NHLRC2: variants seen among roughly 807,000 people sequenced by gnomAD.
The protein encoded by NHLRC2 is NHL repeat-containing protein 2.
A neutral mutation model predicts 68.1 loss-of-function variants in NHLRC2; 33 were observed. The observed-to-expected ratio is 0.48, with a 90% CI of 0.37 to 0.65. The LOEUF (loss-of-function observed/expected upper bound fraction) is 0.65, where lower values mean the gene tolerates loss of function less well. NHLRC2 is among the 30% of genes least tolerant of loss of function. The pLI, the probability that NHLRC2 is intolerant of heterozygous loss-of-function variation, is 0.00. For missense variants in NHLRC2, 761 were observed against 853.8 expected, an observed-to-expected ratio of 0.89 and a Z score of 1.35; for synonymous variants, 311 against 309.6, an observed-to-expected ratio of 1.00 and a Z score of -0.05.
intron 10 of NHLRC2, 21 bp downstream of exon 10, chr10:113,905,057 ATAC>A (rs779061123): frequency 1.7e-6 from 2 of 1,146,156 alleles, no homozygotes; most frequent in East Asian, 4.9e-5. Context: ...AAGCTTGCAA[ATAC>A]TAATACATCA....
chr10:113,865,341 A>G (rs1035403852), intron 2 of NHLRC2, among the ~76,000 whole-genome samples: 1 of 133,766 alleles, frequency 7.5e-6, no homozygotes, highest in Non-Finnish European at 1.6e-5. Flanking sequence ...ATTACTGGGT[A>G]TGATTTGCTG....
At chr10:113,903,196 T>C (rs1358173593) in intron 8 of NHLRC2, among the ~76,000 whole-genome samples, 1 of 152,166 alleles carries the variant, frequency 6.6e-6, no homozygotes, top group Non-Finnish European at 1.5e-5. Context: ...AGTTCAGTTG[T>C]GAAAGTGTGT....
At chr10:113,893,396 T>C (rs1846149985) in intron 5 of NHLRC2, among the ~76,000 whole-genome samples, 1 of 152,180 alleles carries the variant, frequency 6.6e-6, no homozygotes, top group South Asian at 2.1e-4. Context: ...TGGGTGAATT[T>C]CAGCAAATTA....
intron 2 of NHLRC2, among the ~76,000 whole-genome samples, chr10:113,874,702 G>C (rs1334128787): frequency 6.6e-6 from 1 of 151,314 alleles, no homozygotes; most frequent in Non-Finnish European, 1.5e-5. Flanking sequence ...TAGATATTTT[G>C]AAACTGTTCC....
intron 2 of NHLRC2, among the ~76,000 whole-genome samples, chr10:113,871,774 C>A (rs1450601774): frequency 6.6e-6 from 1 of 152,114 alleles, no homozygotes; most frequent in Non-Finnish European, 1.5e-5. Context: ...ACTGTCCCTC[C>A]CCTCTGTTCC....
chr10:113,863,008 TATA>T (rs1177817645), intron 2 of NHLRC2, among the ~76,000 whole-genome samples: 1 of 152,184 alleles, frequency 6.6e-6, no homozygotes, highest in Non-Finnish European at 1.5e-5. Flanking sequence ...ATGATATGAT[TATA>T]ATGATAAAAT....
chr10:113,878,913 C>T (rs1846010691), intron 3 of NHLRC2, among the ~76,000 whole-genome samples: 1 of 152,100 alleles, frequency 6.6e-6, no homozygotes, highest in African/African-American at 2.4e-5. Flanking sequence ...GTTTGAACTG[C>T]TGATTTAGAG....
chr10:113,884,419 T>C, intron 5 of NHLRC2, 39 bp downstream of exon 5: 1 of 1,549,564 alleles, frequency 6.5e-7, no homozygotes, highest in Non-Finnish European at 8.9e-7. Context: ...AGGTAAATTT[T>C]ACTTCATGTA....
intron 6 of NHLRC2, among the ~76,000 whole-genome samples, chr10:113,899,351 G>A (rs1165930706): frequency 1.3e-5 from 2 of 152,144 alleles, no homozygotes; most frequent in East Asian, 1.9e-4. Flanking sequence ...GCAAGTTACC[G>A]TTATTAATAG....
chr10:113,877,153 T>C (rs1845991294), intron 3 of NHLRC2, among the ~76,000 whole-genome samples, 177 bp downstream of exon 3: 1 of 152,066 alleles, frequency 6.6e-6, no homozygotes, highest in Non-Finnish European at 1.5e-5. Flanking sequence ...ATTAACCTCT[T>C]CTCACTCCCT....
chr10:113,863,516 ATAACT>A (rs1372358905), intron 2 of NHLRC2, among the ~76,000 whole-genome samples: 2 of 152,158 alleles, frequency 1.3e-5, no homozygotes, highest in Non-Finnish European at 2.9e-5. Context: ...AAAACAAGAA[ATAACT>A]TAAATCTAAG....
rs1301973273 is a variant in NHLRC2 at position 113,916,801 on chromosome 10, T to C, written c.*8265T>C. On this transcript the variant is annotated 3_prime_UTR_variant, in exon 11 of 11. Coordinates refer to ENST00000369301, the MANE Select transcript of NHLRC2 (RefSeq NM_198514.4). ...CATGTTTCTTATTCCAAAGGCTTGA[T>C]TATATTTTTTTCTCCAGTGATTAAA... 2 of 152,236 alleles carry C rather than the reference T, an allele frequency of 1.3e-5. No homozygotes were observed. Among genetic ancestry groups the C allele is most frequent in the African/African-American group, 4.8e-5 (2 of 41,464 alleles). The allele number at this position is 152,236 out of a possible 1,614,324, so 9.4% of individuals were successfully genotyped here.
Position 113,897,389 on chromosome 10 carries a change from A to G in NHLRC2, c.1040-721A>G, listed in dbSNP as rs564455356. Among the ~76,000 whole-genome samples, 36 of 152,258 alleles carry G rather than the reference A, an allele frequency of 2.4e-4. No homozygotes were observed. The South Asian group carries it at 7.1e-3, about 30-fold the overall frequency. Reference sequence around the variant, plus strand: ...GGTTGTATTATACTTTTTACCCTCTATGGTGTCTATTGAAGGGCTGTTCAG... The same window carrying G: ...GGTTGTATTATACTTTTTACCCTCTGTGGTGTCTATTGAAGGGCTGTTCAG... On this transcript the variant is annotated intron_variant, in intron 5 of 10. Transcript: ENST00000369301.
rs1281742896 is a variant in NHLRC2, at chr10:113,858,683, A to T, written c.331+3A>T. The T allele has an allele frequency of 6.2e-7, 1 of 1,606,042 alleles. No homozygotes were observed. Among genetic ancestry groups the T allele is most frequent in the Non-Finnish European group, 8.5e-7 (1 of 1,173,682 alleles). ...AGAACACACATACTCTGATAAAGGT[A>T]TCTGCTCTTTAATTAGTTTCTAACA... On this transcript the variant is annotated splice_donor_region_variant and intron_variant, in intron 2 of 10. Transcript: ENST00000369301.
intron 4 of NHLRC2, among the ~76,000 whole-genome samples, chr10:113,882,483 G>C (rs1420564168): frequency 6.6e-6 from 1 of 151,610 alleles, no homozygotes; most frequent in Non-Finnish European, 1.5e-5. Flanking sequence ...CTGTGCTTAT[G>C]GGCCATTTTT....
intron 2 of NHLRC2, among the ~76,000 whole-genome samples, chr10:113,869,220 A>T (rs2134697595): frequency 6.6e-6 from 1 of 152,316 alleles, no homozygotes; most frequent in Non-Finnish European, 1.5e-5. Flanking sequence ...ATTGTGGATT[A>T]AGTATGGATG....
At chr10:113,889,750 C>T (rs920872671) in intron 5 of NHLRC2, among the ~76,000 whole-genome samples, 4 of 152,184 alleles carry the variant, frequency 2.6e-5, no homozygotes, top group African/African-American at 9.7e-5. Flanking sequence ...ACCACACTCA[C>T]TGCAGCAACT....
intron 2 of NHLRC2, among the ~76,000 whole-genome samples, chr10:113,874,482 G>C (rs1845960796): frequency 6.8e-6 from 1 of 146,558 alleles, no homozygotes; most frequent in East Asian, 2.0e-4. Flanking sequence ...GTGTGTGTGT[G>C]TGTGTGTGTG....
chr10:113,895,992 C>A (rs909561163), intron 5 of NHLRC2, among the ~76,000 whole-genome samples: 1 of 152,040 alleles, frequency 6.6e-6, no homozygotes, highest in Admixed American at 6.6e-5. Context: ...GTTAGAATGG[C>A]GATCATTAAA....
Sources: gnomAD v4.1 joint callset for allele counts (sites outside exome capture counted in the v4.1 genomes callset) on GRCh38, gnomAD v4.1.1 for gene constraint, MANE v1.5 for transcripts, NCBI Gene and HGNC (gene_info 2026-07-23, HGNC 2026-07-21) for gene names.